The following ROBO2 variants were observed in gnomAD, a reference collection of about 807,000 sequenced individuals.
ROBO2 encodes roundabout guidance receptor 2, also known as roundabout homolog 2.
A neutral mutation model predicts 160.8 loss-of-function variants in ROBO2; 53 were observed. That is an observed-to-expected ratio of 0.33 (90% CI 0.26 to 0.41). The LOEUF (loss-of-function observed/expected upper bound fraction) is 0.41. Among genes scored for constraint, ROBO2 ranks in the 10% least tolerant of loss-of-function variants. ROBO2 has a pLI of 1.00. For missense variants in ROBO2, 1,577 were observed against 1,722.4 expected (o/e 0.92, Z 1.49); for synonymous variants, 664 against 611.7 (o/e 1.09, Z -1.26).
intron 8 of ROBO2, among the ~76,000 whole-genome samples, chr3:77,555,703 T>A (rs1238151098): frequency 2.6e-5 from 4 of 151,950 alleles, no homozygotes; most frequent in African/African-American, 9.7e-5. Context: ...TGACAATAAA[T>A]GTCACATCAT....
In ROBO2 at chr3:76,781,238, G is replaced by A. The variant is rs374919114; in HGVS notation, c.110-316776G>A. ...CAGTTTGTTGTTAGTGTATAAAAAT[G>A]CAACTGAAACTCTATGTTGCATTTG... is the stretch of plus-strand genomic sequence containing the variant. On this transcript the variant is annotated intron_variant, in intron 2 of 26. Coordinates refer to the ROBO2 transcript ENST00000487694. 8.2e-4 allele frequency among the ~76,000 whole-genome samples: 123 copies of A among 150,670 alleles called. No individual in the cohort carries two copies. The Middle Eastern group carries it at 0.014, about 17-fold the overall frequency.
chr3:76,953,328 C>T (rs2079065128), intron 2 of ROBO2, among the ~76,000 whole-genome samples: 10 of 152,016 alleles, frequency 6.6e-5, no homozygotes, highest in Admixed American at 6.6e-4. Flanking sequence ...ATAGGTGGCA[C>T]ATGTATATAA....
In ROBO2 at chr3:77,032,810, G is replaced by A. The variant is rs187559507; in HGVS notation, c.110-65204G>A. On this transcript the variant is annotated intron_variant, in intron 2 of 26. Transcript: ENST00000487694. Reference sequence around the variant, plus strand: ...CAAAAAGTGAGGCAACAGCCAGAGCGCCAAGGGGGTAAGGTATAGGTGAGA... The same window carrying A: ...CAAAAAGTGAGGCAACAGCCAGAGCACCAAGGGGGTAAGGTATAGGTGAGA... Among the ~76,000 whole-genome samples, 379 of 132,050 alleles carry A rather than the reference G, an allele frequency of 2.9e-3. 4 individuals carry two copies. Among genetic ancestry groups the A allele is most frequent in the African/African-American group, 0.013 (334 of 25,954 alleles). The allele number at this position is 132,050 out of a possible 152,430, so 86.6% of individuals were successfully genotyped here.
At chr3:76,076,135 A>G (rs576143634) in intron 2 of ROBO2, among the ~76,000 whole-genome samples, 25 of 152,280 alleles carry the variant, frequency 1.6e-4, no homozygotes, top group Admixed American at 1.1e-3. Flanking sequence ...TGTTTTTCCA[A>G]TGTTGGTTAT....
intron 2 of ROBO2, among the ~76,000 whole-genome samples, chr3:76,802,727 CAAAAA>C (rs71104621): frequency 9.6e-6 from 1 of 103,834 alleles, no homozygotes; most frequent in Non-Finnish European, 1.9e-5. Context: ...GACTCCGTCT[CAAAAA>C]AAAAAAAAAA....
At chr3:76,364,849 A>C (rs1019014993) in intron 2 of ROBO2, among the ~76,000 whole-genome samples, 1 of 152,090 alleles carries the variant, frequency 6.6e-6, no homozygotes, top group Non-Finnish European at 1.5e-5. Context: ...TATGTTAGAA[A>C]TTCTACTAGG....
At chr3:77,251,464 C>A (rs982637218) in intron 2 of ROBO2, among the ~76,000 whole-genome samples, 1 of 152,090 alleles carries the variant, frequency 6.6e-6, no homozygotes. Flanking sequence ...GCTCTCAACG[C>A]CCTAGCTTGC....
chr3:77,017,712 A>G (rs999047426), intron 2 of ROBO2, among the ~76,000 whole-genome samples: 1 of 152,152 alleles, frequency 6.6e-6, no homozygotes, highest in Non-Finnish European at 1.5e-5. Context: ...TTGTTAAATC[A>G]ATGCTGACTT....
At chr3:77,376,153 TC>T (rs1413815071) in intron 2 of ROBO2, among the ~76,000 whole-genome samples, 1 of 95,060 alleles carries the variant, frequency 1.1e-5, no homozygotes, top group East Asian at 3.7e-4. Flanking sequence ...CATTTAACTT[TC>T]TTTTTTTTTT....
chr3:77,323,905 T>C (rs888364234), intron 2 of ROBO2, among the ~76,000 whole-genome samples: 4 of 152,158 alleles, frequency 2.6e-5, no homozygotes, highest in African/African-American at 9.7e-5. Flanking sequence ...TCCAAACATG[T>C]TTTTCTGAGT....
At chr3:77,528,613 G>T (rs2091388016) in intron 6 of ROBO2, among the ~76,000 whole-genome samples, 1 of 151,590 alleles carries the variant, frequency 6.6e-6, no homozygotes, top group Non-Finnish European at 1.5e-5. Context: ...TCTATAAAAT[G>T]GAGAGAATAA....
chr3:76,094,755 G>T (rs2069371797), intron 2 of ROBO2, among the ~76,000 whole-genome samples: 1 of 152,096 alleles, frequency 6.6e-6, no homozygotes, highest in East Asian at 1.9e-4. Context: ...GAATAAATAA[G>T]GGAGAAAGGG....
chr3:77,314,185 G>A (rs1024261445), intron 2 of ROBO2, among the ~76,000 whole-genome samples: 1 of 152,122 alleles, frequency 6.6e-6, no homozygotes, highest in Non-Finnish European at 1.5e-5. Context: ...AAGTCAGAAG[G>A]CAATCTAGCT....
intron 2 of ROBO2, among the ~76,000 whole-genome samples, chr3:77,308,353 A>C (rs1339713354): frequency 6.6e-6 from 1 of 152,026 alleles, no homozygotes; most frequent in Non-Finnish European, 1.5e-5. Flanking sequence ...AGATGAATAA[A>C]AGCATAATAA....
intron 19 of ROBO2, among the ~76,000 whole-genome samples, chr3:77,599,553 C>T (rs981144704): frequency 4.0e-5 from 6 of 150,976 alleles, no homozygotes; most frequent in South Asian, 4.2e-4. Context: ...TGTTAAATGA[C>T]GAGTTAATGG....
At chr3:77,103,031 A>G (rs970572820) in intron 2 of ROBO2, among the ~76,000 whole-genome samples, 2 of 152,196 alleles carry the variant, frequency 1.3e-5, no homozygotes, top group African/African-American at 4.8e-5. Context: ...CAGGAGAGCC[A>G]TGGTGTAGCT....
At chr3:77,143,173 G>GTTTTTT in intron 2 of ROBO2, among the ~76,000 whole-genome samples, 1 of 112,718 alleles carries the variant, frequency 8.9e-6, no homozygotes, top group African/African-American at 3.3e-5. Flanking sequence ...TTAAACAGCA[G>GTTTTTT]CTTTTTTTTT....
At chr3:76,716,216 T>G (rs942322204) in intron 2 of ROBO2, among the ~76,000 whole-genome samples, 1 of 152,210 alleles carries the variant, frequency 6.6e-6, no homozygotes, top group Non-Finnish European at 1.5e-5. Context: ...ATGTTAATGA[T>G]GCATTCACTC....
intron 2 of ROBO2, among the ~76,000 whole-genome samples, chr3:76,744,826 A>G (rs2093859032): frequency 1.3e-5 from 2 of 152,206 alleles, no homozygotes; most frequent in Non-Finnish European, 2.9e-5. Context: ...TTTCAAAAGT[A>G]TAATATTTTA....
Sources: gnomAD v4.1 joint callset for allele counts (sites outside exome capture counted in the v4.1 genomes callset) on GRCh38, gnomAD v4.1.1 for gene constraint, MANE v1.5 for transcripts, NCBI Gene and HGNC (gene_info 2026-07-23, HGNC 2026-07-21) for gene names.